SLC14A2: variants seen among roughly 807,000 people sequenced by gnomAD.
SLC14A2 encodes solute carrier family 14 member 2.
Under a neutral mutation model 104.6 loss-of-function variants are expected in SLC14A2, and 91 were observed. That is an observed-to-expected ratio of 0.87 (90% CI 0.73 to 1.04). The LOEUF (loss-of-function observed/expected upper bound fraction) is 1.04, where lower values mean the gene tolerates loss of function less well. Ranked by LOEUF, SLC14A2 falls within the 50% of genes least tolerant of loss-of-function variation. SLC14A2 has a pLI of 0.00. For synonymous variants in SLC14A2, 476 were observed against 466.4 expected, an observed-to-expected ratio of 1.02 and a Z score of -0.27; for missense variants, 1,189 against 1,156.0, an observed-to-expected ratio of 1.03 and a Z score of -0.41.
intron 1 of SLC14A2, among the ~76,000 whole-genome samples, chr18:45,300,433 TC>T (rs141436633): frequency 0.19 from 28,560 of 148,648 alleles, 2,668 homozygotes; most frequent in Middle Eastern, 0.25. Flanking sequence ...TGCTGAACCC[TC>T]CCCAAAAAAA....
intron 2 of SLC14A2, among the ~76,000 whole-genome samples, chr18:45,602,294 G>A (rs1314441582): frequency 2.0e-5 from 3 of 152,222 alleles, no homozygotes; most frequent in African/African-American, 4.8e-5. Context: ...GGGTTAGTGA[G>A]CAGAGTGATT....
chr18:45,288,260 C>T (rs1226744455), intron 1 of SLC14A2, among the ~76,000 whole-genome samples: 3 of 152,136 alleles, frequency 2.0e-5, no homozygotes, highest in African/African-American at 7.2e-5. Context: ...TCAAGCAAAC[C>T]TCATATCCTC....
chr18:45,242,637 A>G (rs1411953695), intron 1 of SLC14A2, among the ~76,000 whole-genome samples: 1 of 152,232 alleles, frequency 6.6e-6, no homozygotes, highest in Non-Finnish European at 1.5e-5. Flanking sequence ...CTAAATGAAT[A>G]CATACATGCG....
At chr18:45,510,611 C>T (rs1029870117) in intron 2 of SLC14A2, among the ~76,000 whole-genome samples, 2 of 152,048 alleles carry the variant, frequency 1.3e-5, no homozygotes, top group Non-Finnish European at 2.9e-5. Context: ...AAGCCAATGC[C>T]CCACCCAGAG....
intron 2 of SLC14A2, among the ~76,000 whole-genome samples, chr18:45,593,031 T>C (rs1028981306): frequency 6.6e-6 from 1 of 152,030 alleles, no homozygotes; most frequent in Non-Finnish European, 1.5e-5. Context: ...AGAAATAACA[T>C]GTGAGGCCGG....
At position 45,244,171 on chromosome 18, in the gene SLC14A2, A is replaced by G. The variant is rs531512406; in HGVS notation, c.-125+30980A>G. 3.3e-5 allele frequency among the ~76,000 whole-genome samples: 5 copies of G among 152,298 alleles called. No homozygotes were observed. In the South Asian group the frequency reaches 1.0e-3, roughly 32 times the overall value. On this transcript the variant is annotated intron_variant, in intron 1 of 20. Coordinates refer to the SLC14A2 transcript ENST00000586448. ...CCCACCAATCTAGCCCTTCCTCAAT[A>G]TATAACTTCACATTTATTCAAATTT...
intron 1 of SLC14A2, among the ~76,000 whole-genome samples, chr18:45,430,066 G>A (rs1598801080): frequency 6.6e-6 from 1 of 152,296 alleles, no homozygotes; most frequent in East Asian, 1.9e-4. Flanking sequence ...AGCAACTCAG[G>A]TCTGGGGTGG....
At chr18:45,413,166 TAC>T (rs1296844473) in intron 1 of SLC14A2, among the ~76,000 whole-genome samples, 2 of 152,188 alleles carry the variant, frequency 1.3e-5, no homozygotes, top group African/African-American at 4.8e-5. Flanking sequence ...AAAAGATAAT[TAC>T]ACAGAGTAGC....
intron 1 of SLC14A2, among the ~76,000 whole-genome samples, chr18:45,346,619 T>C (rs1178820652): frequency 6.6e-6 from 1 of 152,174 alleles, no homozygotes; most frequent in Non-Finnish European, 1.5e-5. Context: ...TTAATATAAA[T>C]TTATCAGTAT....
chr18:45,262,451 G>A (rs930659586), intron 1 of SLC14A2, among the ~76,000 whole-genome samples: 4 of 152,174 alleles, frequency 2.6e-5, no homozygotes, highest in Non-Finnish European at 4.4e-5. Flanking sequence ...GGAAGGGGAT[G>A]CTGCAGTCAT....
At chr18:45,445,399 C>G (rs1044890111) in intron 1 of SLC14A2, among the ~76,000 whole-genome samples, 1 of 152,114 alleles carries the variant, frequency 6.6e-6, no homozygotes, top group African/African-American at 2.4e-5. Context: ...CGTGAGCCAC[C>G]AAGCCTGGCC....
chr18:45,654,469 G>C (rs893044969), intron 10 of SLC14A2, among the ~76,000 whole-genome samples: 4 of 152,132 alleles, frequency 2.6e-5, no homozygotes, highest in African/African-American at 9.7e-5. Context: ...CTGGGGGAGA[G>C]AGCTGAACCA....
intron 1 of SLC14A2, among the ~76,000 whole-genome samples, chr18:45,358,517 C>T (rs955093239): frequency 2.0e-5 from 3 of 152,094 alleles, no homozygotes; most frequent in African/African-American, 4.8e-5. Flanking sequence ...TCCTATTGGC[C>T]CACTAGAGGA....
chr18:45,198,037 CT>C, the SLC14A2 span, among the ~76,000 whole-genome samples: 1 of 152,002 alleles, frequency 6.6e-6, no homozygotes, highest in African/African-American at 2.4e-5. Flanking sequence ...ACCAGAATAT[CT>C]AGAATATTGG....
At chr18:45,295,434 A>G (rs2084909868) in intron 1 of SLC14A2, among the ~76,000 whole-genome samples, 1 of 152,016 alleles carries the variant, frequency 6.6e-6, no homozygotes, top group East Asian at 1.9e-4. Context: ...GGGTTGTCAT[A>G]TGGCTGCCCA....
the SLC14A2 span, among the ~76,000 whole-genome samples, chr18:45,187,059 G>A: frequency 3.3e-5 from 5 of 152,220 alleles, no homozygotes; most frequent in South Asian, 2.1e-4. Context: ...GTTGCCCACC[G>A]CAGCAAAGCC....
Position 45,632,359 on chromosome 18 carries a change from T to C in SLC14A2, c.531T>C (p.Ile177=), listed in dbSNP as rs779304818. Residue 177 remains isoleucine (I), a synonymous_variant, in exon 5 of 20, where the codon ATT becomes ATC. Coordinates refer to ENST00000255226, the MANE Select transcript of SLC14A2 (RefSeq NM_007163.4). The part of the protein sequence containing the change: ...ALALGQDRSA[I]ASGLHGYNGM... Reference sequence around the variant, plus strand: ...TCTGTTTCACCGCCAGGTCTGCCATTGCCTCAGGACTCCATGGGTACAACG... The same window carrying C: ...TCTGTTTCACCGCCAGGTCTGCCATCGCCTCAGGACTCCATGGGTACAACG... 10 of 1,611,466 alleles carry C rather than the reference T, an allele frequency of 6.2e-6. No homozygotes were observed. The South Asian group carries it at 1.1e-4, about 18-fold the overall frequency.
At chr18:45,359,012 C>A (rs1171876655) in intron 1 of SLC14A2, among the ~76,000 whole-genome samples, 1 of 152,208 alleles carries the variant, frequency 6.6e-6, no homozygotes, top group African/African-American at 2.4e-5. Flanking sequence ...AGTTAATAAA[C>A]ATCTGCAAAA....
intron 2 of SLC14A2, among the ~76,000 whole-genome samples, chr18:45,572,598 A>G (rs910180867): frequency 2.0e-5 from 3 of 152,148 alleles, no homozygotes; most frequent in South Asian, 2.1e-4. Context: ...CTATTCATCT[A>G]TCTGTAACCT....
Sources: gnomAD v4.1 joint callset for allele counts (sites outside exome capture counted in the v4.1 genomes callset) on GRCh38, gnomAD v4.1.1 for gene constraint, MANE v1.5 for transcripts, NCBI Gene and HGNC (gene_info 2026-07-23, HGNC 2026-07-21) for gene names.